CCDC6: variants seen among roughly 807,000 people sequenced by gnomAD.
CCDC6 encodes coiled-coil domain-containing protein 6.
Under a neutral mutation model 56.6 loss-of-function variants are expected in CCDC6, and 20 were observed. That is an observed-to-expected ratio of 0.35 (90% confidence interval 0.25 to 0.51). CCDC6 has a LOEUF of 0.51. CCDC6 is among the 20% of genes least tolerant of loss of function. The probability of loss-of-function intolerance (pLI) is 0.95; values close to 1 mark genes in which losing one functional copy is unlikely to be tolerated. For missense variants in CCDC6, 367 were observed against 601.1 expected (o/e 0.61, Z 4.07); for synonymous variants, 241 against 234.4 (o/e 1.03, Z -0.26).
chr10:59,806,827 C>G, intron 6 of CCDC6, 95 bp downstream of exon 6: 1 of 1,100,668 alleles, frequency 9.1e-7, no homozygotes, highest in Non-Finnish European at 1.3e-6. Context: ...TTTAAGCCAT[C>G]CCCTTATACA....
intron 2 of CCDC6, among the ~76,000 whole-genome samples, chr10:59,842,815 G>A (rs187573780): frequency 3.9e-4 from 58 of 147,240 alleles, no homozygotes; most frequent in Admixed American, 1.2e-3. Context: ...GTGCAGTGGC[G>A]CAATCTCAGC....
chr10:59,855,366 G>A (rs761660636), intron 1 of CCDC6, among the ~76,000 whole-genome samples: 2 of 152,154 alleles, frequency 1.3e-5, no homozygotes, highest in Non-Finnish European at 2.9e-5. Flanking sequence ...AGGAGTTCAA[G>A]ACTAGACTGG....
rs367585673 is a variant in CCDC6 at position 59,792,857 on chromosome 10, C to G, written c.*60G>C. The G allele has an allele frequency of 1.3e-6, 2 of 1,526,920 alleles. No individual in the cohort carries two copies. The highest frequency in any genetic ancestry group is 4.5e-5 in the East Asian group (2 of 44,440). 94.6% of individuals were successfully genotyped at this position (1,526,920 alleles called of 1,614,324 possible). On this transcript the variant is annotated 3_prime_UTR_variant, in exon 9 of 9. Coordinates refer to ENST00000263102, the MANE Select transcript of CCDC6 (RefSeq NM_005436.5). ...ATATGCCAGAGAAGGAAGCCTTTGG[C>G]GTTGAGTAGACGGCTCCATTGGATG...
At chr10:59,802,102 C>A (rs2070581051) in intron 7 of CCDC6, among the ~76,000 whole-genome samples, 1 of 152,156 alleles carries the variant, frequency 6.6e-6, no homozygotes, top group South Asian at 2.1e-4. Context: ...CTGGGAATAT[C>A]CTTCATTATA....
rs2132617164 is a variant in CCDC6 at position 59,790,753 on chromosome 10, A to C, written c.*2164T>G. ...GTCTGAATATCAAGAACCTATCTCT[A>C]AAAGGCATTTATCAGGAAATGTTCG... On this transcript the variant is annotated 3_prime_UTR_variant, in exon 9 of 9. Coordinates refer to ENST00000263102, the MANE Select transcript of CCDC6 (RefSeq NM_005436.5). The C allele has an allele frequency of 4.6e-6, 1 of 216,118 alleles. No homozygotes were observed. Among genetic ancestry groups the C allele is most frequent in the African/African-American group, 2.3e-5 (1 of 44,438 alleles). The allele number at this position is 216,118 out of a possible 1,614,324, so 13.4% of individuals were successfully genotyped here.
intron 1 of CCDC6, among the ~76,000 whole-genome samples, chr10:59,878,935 C>T (rs531912218): frequency 6.6e-6 from 1 of 152,120 alleles, no homozygotes; most frequent in East Asian, 1.9e-4. Context: ...AGTTTGTGTG[C>T]TTGGAGGGAA....
chr10:59,802,945 A>C (rs2070590205), intron 7 of CCDC6, among the ~76,000 whole-genome samples: 1 of 152,238 alleles, frequency 6.6e-6, no homozygotes, highest in Non-Finnish European at 1.5e-5. Flanking sequence ...TCACCATCAC[A>C]AAATAATGAA....
intron 1 of CCDC6, among the ~76,000 whole-genome samples, chr10:59,904,505 C>T (rs1266742545): frequency 1.3e-5 from 2 of 152,196 alleles, no homozygotes; most frequent in Non-Finnish European, 2.9e-5. Context: ...AAGAGACTAA[C>T]CCTCTCATTT....
chr10:59,799,323 T>C (rs1322741797), intron 7 of CCDC6, among the ~76,000 whole-genome samples: 2 of 151,854 alleles, frequency 1.3e-5, no homozygotes, highest in Non-Finnish European at 2.9e-5. Flanking sequence ...TCCCAGCTAC[T>C]TGGGAGCTGT....
intron 1 of CCDC6, among the ~76,000 whole-genome samples, chr10:59,867,795 C>T (rs555508050): frequency 3.9e-5 from 6 of 152,190 alleles, no homozygotes; most frequent in African/African-American, 1.4e-4. Flanking sequence ...CTCGAACTCC[C>T]GGGCTCAAGC....
chr10:59,861,429 T>G (rs1218683207), intron 1 of CCDC6, among the ~76,000 whole-genome samples: 3 of 36,974 alleles, frequency 8.1e-5, no homozygotes, highest in Non-Finnish European at 1.8e-4. Context: ...AATCAAAAAT[T>G]ACCAAAAAAA....
At position 59,790,119 on chromosome 10, in the gene CCDC6, T is replaced by C. The variant is rs756687610; in HGVS notation, c.*2798A>G. ...TAGCATGCTTGATGAGAGAAAGCAG[T>C]TCAGAGCCCAAAGAGGTGTCAGGTA... On this transcript the variant is annotated 3_prime_UTR_variant, in exon 9 of 9. Transcript: ENST00000263102. 4 of 214,364 alleles carry C rather than the reference T, an allele frequency of 1.9e-5. No homozygotes were observed. Among genetic ancestry groups the C allele is most frequent in the African/African-American group, 6.8e-5 (3 of 44,280 alleles). The allele number at this position is 214,364 out of a possible 1,614,324, so 13.3% of individuals were successfully genotyped here. A position where few individuals can be genotyped will look rare whatever the true frequency, so the allele number is the denominator to read the frequency against.
chr10:59,797,946 G>A (rs1365553567), intron 7 of CCDC6, among the ~76,000 whole-genome samples: 1 of 152,084 alleles, frequency 6.6e-6, no homozygotes, highest in Non-Finnish European at 1.5e-5. Context: ...TTTGGATTGG[G>A]GTCCATATTT....
intron 1 of CCDC6, among the ~76,000 whole-genome samples, chr10:59,864,877 A>C (rs2071163922): frequency 6.6e-6 from 1 of 152,228 alleles, no homozygotes; most frequent in African/African-American, 2.4e-5. Flanking sequence ...GTGCCTAACA[A>C]GTCTCAAACC....
chr10:59,812,156 T>C (rs2070679557), intron 5 of CCDC6, among the ~76,000 whole-genome samples: 1 of 152,048 alleles, frequency 6.6e-6, no homozygotes, highest in South Asian at 2.1e-4. Context: ...CTTTGATTTT[T>C]CAACTCAACA....
At chr10:59,842,349 T>A (rs1474598975) in intron 2 of CCDC6, among the ~76,000 whole-genome samples, 1 of 152,224 alleles carries the variant, frequency 6.6e-6, no homozygotes, top group Non-Finnish European at 1.5e-5. Flanking sequence ...GCCTGGCCTA[T>A]GTAAACACTT....
intron 1 of CCDC6, among the ~76,000 whole-genome samples, chr10:59,859,864 C>G (rs2071113257): frequency 6.8e-6 from 1 of 147,612 alleles, no homozygotes; most frequent in Admixed American, 6.7e-5. Context: ...CGGCATATCA[C>G]TTGAGGCCAA....
chr10:59,868,097 A>C (rs75065473), intron 1 of CCDC6, among the ~76,000 whole-genome samples: 4,683 of 152,206 alleles, frequency 0.031, 236 homozygotes, highest in African/African-American at 0.11. Context: ...AAATTGATTG[A>C]GACCTGCTTC....
At chr10:59,833,583 AG>A (rs553776578) in intron 2 of CCDC6, among the ~76,000 whole-genome samples, 116 of 124,442 alleles carry the variant, frequency 9.3e-4, no homozygotes, top group African/African-American at 3.4e-3. Context: ...GTGGACCCAT[AG>A]GGACTTGGGG....
Sources: gnomAD v4.1 joint callset for allele counts (sites outside exome capture counted in the v4.1 genomes callset) on GRCh38, gnomAD v4.1.1 for gene constraint, MANE v1.5 for transcripts, NCBI Gene and HGNC (gene_info 2026-07-23, HGNC 2026-07-21) for gene names.